The following NR1H4 variants were observed in gnomAD, a reference collection of about 807,000 sequenced individuals.
NR1H4 encodes nuclear receptor subfamily 1 group H member 4.
NR1H4 carries 23 observed loss-of-function variants against 58.5 expected under a neutral mutation model. The observed-to-expected ratio is 0.39, with a 90% confidence interval of 0.28 to 0.56. NR1H4 has a LOEUF of 0.56. NR1H4 is among the 20% of genes least tolerant of loss of function. The pLI is 0.58. For missense variants in NR1H4, 487 were observed against 576.9 expected (o/e 0.84, Z 1.60); for synonymous variants, 214 against 198.0 (o/e 1.08, Z -0.68).
At chr12:100,548,998 T>C (rs981737829) in intron 9 of NR1H4, among the ~76,000 whole-genome samples, 7 of 151,850 alleles carry the variant, frequency 4.6e-5, no homozygotes, top group Admixed American at 4.6e-4. Flanking sequence ...CCACAGAGAG[T>C]TGACTTCATC....
rs35404680 is a variant in NR1H4 at position 100,545,641 on chromosome 12, C to CAAAA, written c.1078+4848_1078+4851dup. Reference sequence around the variant, plus strand: ...TGGGTGACAGAGTGAGACCTTGTCTCAAAAAAAAAAAAAAAAAAAAAAAAA... The same window carrying CAAAA: ...TGGGTGACAGAGTGAGACCTTGTCTCAAAAAAAAAAAAAAAAAAAAAAAAAAAAA... On this transcript the variant is annotated intron_variant, in intron 9 of 10. Coordinates refer to ENST00000392986, the MANE Select transcript of NR1H4 (RefSeq NM_001206979.2). 4.5e-3 allele frequency among the ~76,000 whole-genome samples: 35 copies of CAAAA among 7,818 alleles called. 4 individuals are homozygous for CAAAA. Among genetic ancestry groups the CAAAA allele is most frequent in the African/African-American group, 6.8e-3 (13 of 1,914 alleles). 5.1% of individuals were successfully genotyped at this position (7,818 alleles called of 152,430 possible). A position where few individuals can be genotyped will look rare whatever the true frequency, so the allele number is the denominator to read the frequency against.
At chr12:100,512,484 CAAA>C (rs780744139) in intron 4 of NR1H4, among the ~76,000 whole-genome samples, 26 of 151,598 alleles carry the variant, frequency 1.7e-4, no homozygotes, top group Non-Finnish European at 3.8e-4. Context: ...ACTAAAAATA[CAAA>C]AAAATTAGCT....
rs954795909 is a variant in NR1H4, at chr12:100,556,414, C to G, written c.1079-5471C>G. 4.0e-5 allele frequency among the ~76,000 whole-genome samples: 6 copies of G among 151,340 alleles called. No individual in the cohort carries two copies. In the East Asian group the frequency reaches 1.2e-3, roughly 29 times the overall value. ...CCTGGGAGGCGGAGTTTGCGGTGAG[C>G]CTAGACCGTGCCATTGCTCTCCAGC... On this transcript the variant is annotated intron_variant, in intron 9 of 10. Transcript: ENST00000392986.
In NR1H4 at chr12:100,489,131, A is replaced by C. The variant is rs1230002553; in HGVS notation, c.-189-3372A>C. Reference sequence around the variant, plus strand: ...ATAATGTATATGGAAACTCTTGGCAAATAGGCTAAAGTTGCTAATCCCAGT... The same window carrying C: ...ATAATGTATATGGAAACTCTTGGCACATAGGCTAAAGTTGCTAATCCCAGT... On this transcript the variant is annotated intron_variant, in intron 1 of 10. Transcript: ENST00000392986. 2.0e-5 allele frequency among the ~76,000 whole-genome samples: 3 copies of C among 152,216 alleles called. No individual in the cohort carries two copies. The East Asian group carries it at 5.8e-4, about 29-fold the overall frequency.
chr12:100,548,916 T>C (rs2136282919), intron 9 of NR1H4, among the ~76,000 whole-genome samples: 1 of 152,318 alleles, frequency 6.6e-6, no homozygotes, highest in South Asian at 2.1e-4. Flanking sequence ...AGAATGGGAC[T>C]GATAGGGAAT....
chr12:100,474,664 T>G (rs180935669), intron 1 of NR1H4, among the ~76,000 whole-genome samples: 2 of 152,344 alleles, frequency 1.3e-5, no homozygotes, highest in African/African-American at 4.8e-5. Context: ...GACGAAGAAC[T>G]TTAGTAATAA....
At chr12:100,516,414 GGCTGGAGT>G (rs2136179481) in intron 4 of NR1H4, among the ~76,000 whole-genome samples, 1 of 151,548 alleles carries the variant, frequency 6.6e-6, no homozygotes, top group East Asian at 1.9e-4. Flanking sequence ...CTGTCACCCA[GGCTGGAGT>G]GCAGTGGCGC....
chr12:100,535,900 T>A (rs1186870191), intron 6 of NR1H4, among the ~76,000 whole-genome samples: 1 of 152,160 alleles, frequency 6.6e-6, no homozygotes, highest in Non-Finnish European at 1.5e-5. Flanking sequence ...GTTGACAAAC[T>A]TTTTTTCTTT....
At chr12:100,540,379 A>G (rs1172925220) in intron 8 of NR1H4, among the ~76,000 whole-genome samples, 1 of 152,204 alleles carries the variant, frequency 6.6e-6, no homozygotes, top group Non-Finnish European at 1.5e-5. Flanking sequence ...GCTCAAAGAA[A>G]ATCTACCTGT....
chr12:100,482,896 C>T (rs963394881), intron 1 of NR1H4, among the ~76,000 whole-genome samples: 3 of 152,002 alleles, frequency 2.0e-5, no homozygotes, highest in African/African-American at 4.8e-5. Context: ...GCTTTGAAAG[C>T]TGTGGATATC....
intron 4 of NR1H4, among the ~76,000 whole-genome samples, chr12:100,518,556 A>G (rs1453662756): frequency 6.6e-6 from 1 of 152,222 alleles, no homozygotes. Flanking sequence ...CCCATGTTCT[A>G]TGCCAGGGAT....
Position 100,563,307 on chromosome 12 carries a change from G to C in NR1H4, c.1249G>C (p.Asp417His). Residue 417 changes from aspartate (D) to histidine (H), a missense_variant, in exon 11 of 11, where the codon GAT becomes CAT. Coordinates refer to ENST00000392986, the MANE Select transcript of NR1H4 (RefSeq NM_001206979.2). ...AGAGAAGCTTCAGGAGCCACTTCTT[G>C]ATGTGCTACAAAAGTTGTGTAAGAT... The part of the protein sequence containing the change: ...AVEKLQEPLL[D>H]VLQKLCKIHQ... The C allele has an allele frequency of 6.2e-7, 1 of 1,614,144 alleles. No individual in the cohort carries two copies. The highest frequency in any genetic ancestry group is 1.1e-5 in the South Asian group (1 of 91,072).
At chr12:100,496,913 A>T (rs143798138) in intron 3 of NR1H4, among the ~76,000 whole-genome samples, 1 of 152,266 alleles carries the variant, frequency 6.6e-6, no homozygotes, top group Non-Finnish European at 1.5e-5. Flanking sequence ...TTACTCTTCA[A>T]AGGCTTTGCT....
rs900602916 is a variant in NR1H4 at position 100,500,095 on chromosome 12, A to T, written c.79+6693A>T. Reference sequence around the variant, plus strand: ...TTAGTGATGTTAAATAATCTGCTAAACATTCCATAATTAGTAAGTAGGCAA... The same window carrying T: ...TTAGTGATGTTAAATAATCTGCTAATCATTCCATAATTAGTAAGTAGGCAA... On this transcript the variant is annotated intron_variant, in intron 3 of 10. Transcript: ENST00000392986. 24 of 365,562 alleles carry T rather than the reference A, an allele frequency of 6.6e-5. 1 individual carries two copies. The East Asian group carries it at 1.8e-3, about 27-fold the overall frequency. 22.6% of individuals were successfully genotyped at this position (365,562 alleles called of 1,614,324 possible).
At chr12:100,511,454 GT>G (rs1206641494) in intron 4 of NR1H4, among the ~76,000 whole-genome samples, 2 of 151,958 alleles carry the variant, frequency 1.3e-5, no homozygotes, top group Non-Finnish European at 2.9e-5. Context: ...GGTTTTGTTT[GT>G]TTTTGTTGTT....
chr12:100,510,300 C>T (rs1954073775), intron 3 of NR1H4, among the ~76,000 whole-genome samples: 1 of 151,988 alleles, frequency 6.6e-6, no homozygotes, highest in Non-Finnish European at 1.5e-5. Context: ...ACAAATTTCC[C>T]CCCAAAAATA....
chr12:100,520,017 G>A (rs1341173254), intron 4 of NR1H4, among the ~76,000 whole-genome samples: 1 of 152,134 alleles, frequency 6.6e-6, no homozygotes, highest in Admixed American at 6.5e-5. Context: ...ATGAGGAAGG[G>A]CTGTGAGGAA....
intron 9 of NR1H4, among the ~76,000 whole-genome samples, chr12:100,550,026 T>C (rs915974332): frequency 2.0e-5 from 3 of 152,224 alleles, no homozygotes; most frequent in African/African-American, 7.2e-5. Flanking sequence ...TTAAAGAATA[T>C]GATGTGAAAT....
chr12:100,493,470 C>T (rs572788859), intron 3 of NR1H4, 68 bp downstream of exon 3: 16 of 803,558 alleles, frequency 2.0e-5, no homozygotes, highest in Non-Finnish European at 3.0e-5. Flanking sequence ...TGAGGAAATG[C>T]CTAGATGATG....
Sources: allele counts gnomAD v4.1 joint callset (sites outside exome capture counted in the v4.1 genomes callset), GRCh38; gene constraint gnomAD v4.1.1; transcripts MANE v1.5; gene names NCBI Gene and HGNC (gene_info 2026-07-23, HGNC 2026-07-21).